Variants in ADGRV1 observed in about 807,000 individuals in gnomAD.
The protein encoded by ADGRV1 is adhesion G protein-coupled receptor V1, also known as G-protein coupled receptor 98.
In ADGRV1, 359 loss-of-function variants were observed where a neutral mutation model predicts 596.2. The observed-to-expected ratio is 0.60, with a 90% CI of 0.55 to 0.66. The LOEUF (loss-of-function observed/expected upper bound fraction) is 0.66. Ranked by LOEUF, ADGRV1 falls within the 30% of genes least tolerant of loss-of-function variation. The pLI, the probability that ADGRV1 is intolerant of heterozygous loss-of-function variation, is 0.00. For missense variants in ADGRV1, 7,274 were observed against 7,575.6 expected (o/e 0.96, Z 1.48); for synonymous variants, 2,681 against 2,679.2 (o/e 1.00, Z -0.02).
chr5:91,146,670 A>G (rs1215954237), intron 87 of ADGRV1, among the ~76,000 whole-genome samples: 1 of 152,206 alleles, frequency 6.6e-6, no homozygotes, highest in East Asian at 1.9e-4. Context: ...ATGGATCACT[A>G]TTAGTACCCC....
chr5:91,137,226 C>T (rs1202374719), intron 87 of ADGRV1, among the ~76,000 whole-genome samples: 5 of 152,028 alleles, frequency 3.3e-5, no homozygotes, highest in Admixed American at 6.6e-5. Flanking sequence ...ACTGAGAATA[C>T]AAGCTTGAGC....
At position 91,068,863 on chromosome 5, in the gene ADGRV1, G is replaced by A. The variant is rs139225044; in HGVS notation, c.18153-3584G>A. 7.5e-3 allele frequency among the ~76,000 whole-genome samples: 1,142 copies of A among 151,586 alleles called. 19 individuals are homozygous for A. Among genetic ancestry groups the A allele is most frequent in the African/African-American group, 0.027 (1,103 of 41,318 alleles). ...ATCCTAAGCAAAAAGAACGAAGCCAGAGGCATCACATTACCTGGCTTTAAA... is the reference window on the plus strand; with the variant it reads ...ATCCTAAGCAAAAAGAACGAAGCCAAAGGCATCACATTACCTGGCTTTAAA... On this transcript the variant is annotated intron_variant, in intron 85 of 89. Transcript: ENST00000405460.
In ADGRV1 at chr5:90,558,822, A is replaced by G. The variant is rs1296015768; in HGVS notation, c.-74A>G. The stretch of plus-strand genomic sequence containing the variant: ...GGTAGTAAGAATCAGCAGCGCGGGC[A>G]AGGAGTACGGACGGGAGTCAGAGGC... On this transcript the variant is annotated 5_prime_UTR_variant, in exon 1 of 90. Coordinates refer to ENST00000405460, the MANE Select transcript of ADGRV1 (RefSeq NM_032119.4). 12 of 1,444,250 alleles carry G rather than the reference A, an allele frequency of 8.3e-6. No homozygotes were observed. The highest frequency in any genetic ancestry group is 1.4e-5 in the African/African-American group (1 of 71,162). The allele number at this position is 1,444,250 out of a possible 1,614,324, so 89.5% of individuals were successfully genotyped here.
At chr5:90,594,299 G>T (rs1580379484) in intron 1 of ADGRV1, among the ~76,000 whole-genome samples, 1 of 151,658 alleles carries the variant, frequency 6.6e-6, no homozygotes, top group Non-Finnish European at 1.5e-5. Flanking sequence ...GATAGTGAGT[G>T]AGTTCTTGTG....
At chr5:90,741,114 A>G (rs1205010256) in intron 50 of ADGRV1, among the ~76,000 whole-genome samples, 2 of 152,052 alleles carry the variant, frequency 1.3e-5, no homozygotes, top group Non-Finnish European at 2.9e-5. Flanking sequence ...TGTTTCTCAC[A>G]TTGTACTTTG....
At chr5:90,651,267 A>T (rs1302230610) in intron 17 of ADGRV1, among the ~76,000 whole-genome samples, 1 of 152,194 alleles carries the variant, frequency 6.6e-6, no homozygotes, top group Non-Finnish European at 1.5e-5. Context: ...TTAATTTCTA[A>T]TTAAGCTATT....
rs1262482282 is a variant in ADGRV1, at chr5:91,022,202, C to T, written c.18152+36680C>T. On this transcript the variant is annotated intron_variant, in intron 85 of 89. Coordinates refer to ENST00000405460, the MANE Select transcript of ADGRV1 (RefSeq NM_032119.4). The stretch of plus-strand genomic sequence containing the variant: ...TTATCTTTTTTCTAGCTTTATCTGC[C>T]GGATTCGATTGTAGCAGATTCTATC... 7.2e-5 allele frequency among the ~76,000 whole-genome samples: 11 copies of T among 152,068 alleles called. No individual in the cohort carries two copies. The East Asian group carries it at 1.6e-3, about 21-fold the overall frequency.
At chr5:91,126,125 C>G (rs1055788374) in intron 87 of ADGRV1, among the ~76,000 whole-genome samples, 1 of 152,168 alleles carries the variant, frequency 6.6e-6, no homozygotes, top group Non-Finnish European at 1.5e-5. Context: ...CCCTGAAGAC[C>G]CACTCTCTTG....
At chr5:90,992,354 T>C (rs949974601) in intron 85 of ADGRV1, among the ~76,000 whole-genome samples, 5 of 152,234 alleles carry the variant, frequency 3.3e-5, no homozygotes, top group African/African-American at 1.2e-4. Context: ...TTTTACATTA[T>C]TATCACTCCA....
chr5:90,628,273 G>A (rs1765061284), intron 7 of ADGRV1, among the ~76,000 whole-genome samples: 1 of 89,536 alleles, frequency 1.1e-5, no homozygotes, highest in African/African-American at 5.7e-5. Context: ...TTAGCTGAGT[G>A]TGGTGGTGTC....
intron 6 of ADGRV1, chr5:90,626,529 G>A (rs1764782502): frequency 6.6e-6 from 1 of 151,574 alleles, no homozygotes; most frequent in African/African-American, 2.4e-5. Flanking sequence ...AGTTTATGGT[G>A]AATGAAAAGC....
At chr5:90,992,266 C>T (rs1781032751) in intron 85 of ADGRV1, among the ~76,000 whole-genome samples, 2 of 152,190 alleles carry the variant, frequency 1.3e-5, no homozygotes, top group South Asian at 2.1e-4. Context: ...TTATTCTAAA[C>T]ATGCTCAGTA....
chr5:91,028,581 A>G (rs1784209353), intron 85 of ADGRV1, among the ~76,000 whole-genome samples: 1 of 152,050 alleles, frequency 6.6e-6, no homozygotes, highest in Non-Finnish European at 1.5e-5. Flanking sequence ...TACTAGATCT[A>G]TCCTAGTCAT....
chr5:90,568,867 CTTCT>C (rs1756004375), intron 1 of ADGRV1, among the ~76,000 whole-genome samples: 3 of 152,124 alleles, frequency 2.0e-5, no homozygotes, highest in Admixed American at 1.3e-4. Flanking sequence ...ATAAAATATC[CTTCT>C]TTGTCTGTAG....
intron 83 of ADGRV1, among the ~76,000 whole-genome samples, chr5:90,940,955 T>C (rs1776121033): frequency 6.6e-6 from 1 of 152,206 alleles, no homozygotes; most frequent in South Asian, 2.1e-4. Flanking sequence ...AGTAGCTGTT[T>C]GTGCTACAGC....
chr5:90,629,287 A>T lies in ADGRV1; in HGVS notation c.1587A>T (p.Glu529Asp). 6.2e-7 allele frequency: 1 copy of T among 1,613,164 alleles called. No individual in the cohort carries two copies. The change falls in exon 9 of 90, where the codon GAA (glutamate) becomes GAT (aspartate). Residue 529 changes from glutamate (E) to aspartate (D), a missense_variant. Transcript: ENST00000405460. ...TTCCTATGGAAAACCAGAAGATTGA[A>T]AGCAGCCCAGGTGAACGATACTTAT... is the stretch of plus-strand genomic sequence containing the variant. ...TFFPMENQKI[E>D]SSPGERYLSL...
At chr5:91,030,335 C>A (rs371494184) in intron 85 of ADGRV1, among the ~76,000 whole-genome samples, 2 of 151,974 alleles carry the variant, frequency 1.3e-5, no homozygotes, top group East Asian at 1.9e-4. Context: ...ATGATTCTTT[C>A]TCATATGTTT....
chr5:91,150,946 G>A (rs536340146), intron 88 of ADGRV1, among the ~76,000 whole-genome samples: 2 of 152,314 alleles, frequency 1.3e-5, no homozygotes, highest in South Asian at 4.1e-4. Context: ...CCTTTGGCCA[G>A]GAGGAGATAG....
intron 50 of ADGRV1, among the ~76,000 whole-genome samples, chr5:90,735,490 CAG>C (rs1410284653): frequency 6.6e-6 from 1 of 152,048 alleles, no homozygotes; most frequent in African/African-American, 2.4e-5. Flanking sequence ...TTTGTCTATT[CAG>C]AGTGTTTTGT....
Sources: allele counts gnomAD v4.1 joint callset (sites outside exome capture counted in the v4.1 genomes callset), GRCh38; gene constraint gnomAD v4.1.1; transcripts MANE v1.5; gene names NCBI Gene and HGNC (gene_info 2026-07-23, HGNC 2026-07-21).